Variants in TAFA2 observed in about 807,000 individuals in gnomAD.
The protein encoded by TAFA2 is TAFA chemokine like family member 2, also known as chemokine-like protein TAFA-2.
A neutral mutation model predicts 18.8 loss-of-function variants in TAFA2; 7 were observed. That is an observed-to-expected ratio of 0.37 (90% CI 0.21 to 0.70). The LOEUF (loss-of-function observed/expected upper bound fraction) is 0.70, where lower values mean the gene tolerates loss of function less well. Among genes scored for constraint, TAFA2 ranks in the 30% least tolerant of loss-of-function variants. TAFA2 has a pLI of 0.53. For synonymous variants in TAFA2, 60 were observed against 54.2 expected, an observed-to-expected ratio of 1.11 and a Z score of -0.47; for missense variants, 122 against 158.1, an observed-to-expected ratio of 0.77 and a Z score of 1.23.
chr12:61,943,664 A>C (rs1445619824), intron 1 of TAFA2, among the ~76,000 whole-genome samples: 2 of 152,218 alleles, frequency 1.3e-5, no homozygotes, highest in East Asian at 3.9e-4. Flanking sequence ...CGAGTCTCTG[A>C]TAAAACAGAC....
At chr12:62,036,305 G>C (rs1057023101) in intron 1 of TAFA2, among the ~76,000 whole-genome samples, 1 of 152,198 alleles carries the variant, frequency 6.6e-6, no homozygotes, top group Admixed American at 6.5e-5. Context: ...TTAAGAAAGT[G>C]ATTGATTTTT....
At chr12:62,151,781 AG>A (rs1222849899) in intron 1 of TAFA2, among the ~76,000 whole-genome samples, 1 of 152,224 alleles carries the variant, frequency 6.6e-6, no homozygotes, top group African/African-American at 2.4e-5. Flanking sequence ...AGGGCTTCTA[AG>A]CCATACATTA....
intron 2 of TAFA2, among the ~76,000 whole-genome samples, chr12:61,859,269 G>A (rs937547387): frequency 2.6e-5 from 4 of 152,130 alleles, no homozygotes; most frequent in African/African-American, 9.7e-5. Context: ...ATCAGATCTC[G>A]TGAGACTCAC....
At chr12:61,800,331 G>A (rs1457153160) in intron 2 of TAFA2, among the ~76,000 whole-genome samples, 1 of 152,032 alleles carries the variant, frequency 6.6e-6, no homozygotes, top group East Asian at 1.9e-4. Context: ...TTTATATTTG[G>A]GACCTTGCTT....
At chr12:62,050,681 C>T (rs193297032) in intron 1 of TAFA2, among the ~76,000 whole-genome samples, 2 of 152,128 alleles carry the variant, frequency 1.3e-5, no homozygotes, top group Non-Finnish European at 2.9e-5. Context: ...CCACATTATC[C>T]CTACTAACCT....
intron 1 of TAFA2, among the ~76,000 whole-genome samples, chr12:62,150,448 C>T (rs1311868801): frequency 6.6e-6 from 1 of 152,098 alleles, no homozygotes; most frequent in Non-Finnish European, 1.5e-5. Flanking sequence ...CTCTTAGCCT[C>T]CTAAATCATC....
intron 1 of TAFA2, among the ~76,000 whole-genome samples, chr12:62,087,943 G>C (rs767616085): frequency 9.9e-5 from 15 of 152,026 alleles, no homozygotes; most frequent in Non-Finnish European, 2.1e-4. Flanking sequence ...ATTATAAATA[G>C]GGTAATCATA....
At chr12:61,999,093 T>G in intron 1 of TAFA2, among the ~76,000 whole-genome samples, 1 of 152,192 alleles carries the variant, frequency 6.6e-6, no homozygotes, top group East Asian at 1.9e-4. Flanking sequence ...GAGATTTCAT[T>G]TAAGACTGAA....
chr12:62,121,078 T>A (rs1870175798), intron 1 of TAFA2, among the ~76,000 whole-genome samples: 1 of 152,008 alleles, frequency 6.6e-6, no homozygotes, highest in African/African-American at 2.4e-5. Flanking sequence ...GGTCTCAAAC[T>A]CCTGACCTCC....
intron 2 of TAFA2, among the ~76,000 whole-genome samples, chr12:61,793,224 A>G (rs1871055119): frequency 6.6e-6 from 1 of 151,614 alleles, no homozygotes; most frequent in South Asian, 2.1e-4. Flanking sequence ...AATTATACCT[A>G]AAGTAAGGAC....
intron 1 of TAFA2, among the ~76,000 whole-genome samples, chr12:62,111,323 C>T (rs931552348): frequency 1.3e-5 from 2 of 152,262 alleles, no homozygotes; most frequent in East Asian, 3.9e-4. Flanking sequence ...ATCCTAAATT[C>T]TAATTTGATT....
intron 1 of TAFA2, among the ~76,000 whole-genome samples, chr12:62,094,767 A>G (rs1048894728): frequency 2.6e-5 from 4 of 152,042 alleles, no homozygotes; most frequent in African/African-American, 9.7e-5. Flanking sequence ...ATGAAGTCAG[A>G]GAAATTAAGA....
At chr12:61,869,771 C>T (rs964011803) in intron 1 of TAFA2, among the ~76,000 whole-genome samples, 3 of 152,132 alleles carry the variant, frequency 2.0e-5, no homozygotes, top group Non-Finnish European at 4.4e-5. Context: ...TGTTTCCTCT[C>T]TCAGCACTCC....
At chr12:62,094,083 A>G (rs1868840021) in intron 1 of TAFA2, among the ~76,000 whole-genome samples, 1 of 151,960 alleles carries the variant, frequency 6.6e-6, no homozygotes, top group Non-Finnish European at 1.5e-5. Flanking sequence ...TTTTCGGTGG[A>G]TATTTTGTAA....
intron 4 of TAFA2, among the ~76,000 whole-genome samples, chr12:61,734,630 A>C (rs76307389): frequency 3.6e-3 from 544 of 152,104 alleles, no homozygotes; most frequent in African/African-American, 0.013. Context: ...CAAAGCCAAA[A>C]ATTATTTGGT....
intron 1 of TAFA2, among the ~76,000 whole-genome samples, chr12:61,887,541 G>A (rs909879849): frequency 6.0e-5 from 9 of 149,150 alleles, no homozygotes; most frequent in Admixed American, 1.3e-4. Flanking sequence ...CCACTAACTC[G>A]TCATCTAGCA....
intron 1 of TAFA2, among the ~76,000 whole-genome samples, chr12:61,907,049 C>A (rs1220860896): frequency 1.4e-4 from 22 of 152,116 alleles, no homozygotes; most frequent in Admixed American, 1.4e-3. Flanking sequence ...GGACGCAGAG[C>A]ATAAAAGTTT....
At chr12:61,888,346 G>T (rs1449094015) in intron 1 of TAFA2, among the ~76,000 whole-genome samples, 2 of 152,200 alleles carry the variant, frequency 1.3e-5, no homozygotes, top group East Asian at 3.8e-4. Flanking sequence ...TTAGAGCCAG[G>T]AGGATCCATG....
chr12:62,226,388 G>C (rs1337442121), intron 1 of TAFA2, among the ~76,000 whole-genome samples: 2 of 151,872 alleles, frequency 1.3e-5, no homozygotes, highest in African/African-American at 4.8e-5. Flanking sequence ...TAGTAGAGAC[G>C]GAGTTTCACT....
Sources: allele counts gnomAD v4.1 joint callset (sites outside exome capture counted in the v4.1 genomes callset), GRCh38; gene constraint gnomAD v4.1.1; transcripts MANE v1.5; gene names NCBI Gene and HGNC (gene_info 2026-07-23, HGNC 2026-07-21).